The following HS3ST2 variants were observed in gnomAD, a reference collection of about 807,000 sequenced individuals.
HS3ST2 encodes the protein heparan sulfate-glucosamine 3-sulfotransferase 2, also known as heparan sulfate glucosamine 3-O-sulfotransferase 2.
HS3ST2 carries 17 observed loss-of-function variants against 26.3 expected under a neutral mutation model. That is an observed-to-expected ratio of 0.65 (90% confidence interval 0.44 to 0.97). The LOEUF is 0.97. Ranked by LOEUF, HS3ST2 falls within the 50% of genes least tolerant of loss-of-function variation. The pLI is 0.00. For synonymous variants in HS3ST2, 237 were observed against 219.2 expected (o/e 1.08, Z -0.72); for missense variants, 402 against 501.2 (o/e 0.80, Z 1.89).
intron 1 of HS3ST2, among the ~76,000 whole-genome samples, chr16:22,902,473 C>G (rs1902292573): frequency 6.6e-6 from 1 of 152,230 alleles, no homozygotes; most frequent in African/African-American, 2.4e-5. Context: ...ATGCAGGTGT[C>G]CTTGGGAGAT....
intron 1 of HS3ST2, among the ~76,000 whole-genome samples, chr16:22,910,376 A>C (rs74012435): frequency 0.01 from 1,532 of 152,328 alleles, 36 homozygotes; most frequent in African/African-American, 0.035. Context: ...GGAAGTCTTT[A>C]AACACAGTTT....
chr16:22,874,556 G>A (rs578027814), intron 1 of HS3ST2, among the ~76,000 whole-genome samples: 2 of 152,334 alleles, frequency 1.3e-5, no homozygotes, highest in East Asian at 3.9e-4. Flanking sequence ...GAGCCCATAT[G>A]GCTGTGAGTC....
At chr16:22,894,964 A>G (rs1902187685) in intron 1 of HS3ST2, among the ~76,000 whole-genome samples, 1 of 151,916 alleles carries the variant, frequency 6.6e-6, no homozygotes, top group South Asian at 2.1e-4. Flanking sequence ...ACTTATTATC[A>G]ATCTAGTGCT....
In HS3ST2 at chr16:22,815,104, C is replaced by A; in HGVS notation, c.485+9C>A. ...GGGCTGGATTGGTACAGGTAAGGAC[C>A]AGGAGCTCCGCTCCGTGCGCCGGGT... On this transcript the variant is annotated intron_variant, in intron 1 of 1. Transcript: ENST00000261374. 8 of 1,611,870 alleles carry A rather than the reference C, an allele frequency of 5.0e-6. No individual in the cohort carries two copies. The highest frequency in any genetic ancestry group is 6.8e-6 in the Non-Finnish European group (8 of 1,179,704).
intron 1 of HS3ST2, among the ~76,000 whole-genome samples, chr16:22,876,896 G>A (rs1397855382): frequency 2.6e-5 from 4 of 152,106 alleles, no homozygotes; most frequent in African/African-American, 4.8e-5. Context: ...ACTAAACATC[G>A]TATATTCTCA....
chr16:22,851,732 G>A (rs547102298), intron 1 of HS3ST2, among the ~76,000 whole-genome samples: 28 of 152,290 alleles, frequency 1.8e-4, no homozygotes, highest in East Asian at 5.8e-4. Flanking sequence ...GCCAATTGTC[G>A]TGTTGATGGC....
In HS3ST2 at chr16:22,827,711, T is replaced by TTTC. The variant is rs1491280732; in HGVS notation, c.485+12618_485+12619insCTT. ...GTGATAGTATTTCTTTCTTTCTTTC[T>TTTC]TTTTTTTTTTTTTTTTTTGAGACAA... On this transcript the variant is annotated intron_variant, in intron 1 of 1. Coordinates refer to ENST00000261374, the MANE Select transcript of HS3ST2 (RefSeq NM_006043.2). Among the ~76,000 whole-genome samples the TTTC allele has an allele frequency of 8.2e-4, 27 of 32,890 alleles. No homozygotes were observed. The Middle Eastern group carries it at 0.03, about 37-fold the overall frequency. The allele number at this position is 32,890 out of a possible 152,430, so 21.6% of individuals were successfully genotyped here.
chr16:22,902,446 C>G (rs953145252), intron 1 of HS3ST2, among the ~76,000 whole-genome samples: 14 of 152,348 alleles, frequency 9.2e-5, no homozygotes, highest in African/African-American at 3.1e-4. Context: ...TTTGGACCTG[C>G]CCTCCGGGAA....
intron 1 of HS3ST2, among the ~76,000 whole-genome samples, chr16:22,831,259 C>T (rs1238233899): frequency 1.3e-5 from 2 of 152,244 alleles, no homozygotes; most frequent in South Asian, 2.1e-4. Context: ...ACATATCCCA[C>T]ATCTTGGGAA....
intron 1 of HS3ST2, chr16:22,833,218 A>G: frequency 4.4e-6 from 2 of 456,046 alleles, no homozygotes; most frequent in Admixed American, 4.7e-5. Context: ...GCACCCCTGC[A>G]TTCTTCCATA....
At chr16:22,835,484 C>T (rs1039857387) in intron 1 of HS3ST2, among the ~76,000 whole-genome samples, 6 of 152,084 alleles carry the variant, frequency 3.9e-5, no homozygotes, top group East Asian at 1.9e-4. Context: ...AACAATAACA[C>T]GTCTACATAG....
intron 1 of HS3ST2, among the ~76,000 whole-genome samples, chr16:22,863,207 C>T: frequency 6.6e-6 from 1 of 152,220 alleles, no homozygotes; most frequent in East Asian, 1.9e-4. Flanking sequence ...TTTGGGATAG[C>T]ACATCAGTAG....
At chr16:22,819,647 A>T (rs954431443) in intron 1 of HS3ST2, among the ~76,000 whole-genome samples, 22 of 152,194 alleles carry the variant, frequency 1.4e-4, no homozygotes, top group African/African-American at 4.6e-4. Context: ...ATTTTGATAG[A>T]TGAGCCTGTT....
chr16:22,841,443 TCTCTC>T (rs1293279767), intron 1 of HS3ST2, among the ~76,000 whole-genome samples: 5 of 152,186 alleles, frequency 3.3e-5, no homozygotes, highest in Admixed American at 1.3e-4. Context: ...CTCACTGACT[TCTCTC>T]CTTCAGCTAC....
chr16:22,849,609 G>A (rs1008090415), intron 1 of HS3ST2, among the ~76,000 whole-genome samples: 1 of 152,166 alleles, frequency 6.6e-6, no homozygotes, highest in African/African-American at 2.4e-5. Flanking sequence ...ACCCAGTTGA[G>A]AGACACTTCA....
intron 1 of HS3ST2, among the ~76,000 whole-genome samples, chr16:22,890,017 C>G (rs1277408338): frequency 3.3e-5 from 5 of 152,212 alleles, no homozygotes. Flanking sequence ...ATACTTTCCT[C>G]TATTTCAAGA....
chr16:22,882,228 G>A (rs760992514), intron 1 of HS3ST2, among the ~76,000 whole-genome samples: 11 of 152,112 alleles, frequency 7.2e-5, no homozygotes, highest in Non-Finnish European at 1.3e-4. Flanking sequence ...CAGGCATGGC[G>A]GTGCACACCT....
chr16:22,869,690 C>T (rs577612548), intron 1 of HS3ST2, among the ~76,000 whole-genome samples: 1 of 152,168 alleles, frequency 6.6e-6, no homozygotes, highest in African/African-American at 2.4e-5. Flanking sequence ...CAGGAAAGAC[C>T]CGCCGCCATA....
chr16:22,902,832 CTT>C (rs903917418), intron 1 of HS3ST2, among the ~76,000 whole-genome samples: 9 of 151,950 alleles, frequency 5.9e-5, no homozygotes, highest in Admixed American at 5.9e-4. Flanking sequence ...ATTCATAGCT[CTT>C]TATTAACTCT....
Sources: gnomAD v4.1 joint callset for allele counts (sites outside exome capture counted in the v4.1 genomes callset) on GRCh38, gnomAD v4.1.1 for gene constraint, MANE v1.5 for transcripts, NCBI Gene and HGNC (gene_info 2026-07-23, HGNC 2026-07-21) for gene names.